The following BCL7B variants were observed in gnomAD, a reference collection of about 807,000 sequenced individuals.
BCL7B encodes BAF chromatin remodeling complex subunit BCL7B.
Under a neutral mutation model 26.5 loss-of-function variants are expected in BCL7B, and 11 were observed. That is an observed-to-expected ratio of 0.42 (90% CI 0.26 to 0.69). BCL7B has a LOEUF of 0.69. BCL7B is among the 30% of genes least tolerant of loss of function. BCL7B has a pLI of 0.28. For missense variants in BCL7B, 215 were observed against 264.4 expected (o/e 0.81, Z 1.30); for synonymous variants, 111 against 107.9 (o/e 1.03, Z -0.18).
Position 73,539,936 on chromosome 7 carries a change from C to T in BCL7B, c.382G>A (p.Asp128Asn), listed in dbSNP as rs376473677. The T allele has an allele frequency of 1.7e-5, 27 of 1,613,926 alleles. No individual in the cohort carries two copies. The highest frequency in any genetic ancestry group is 8.5e-6 in the Non-Finnish European group (10 of 1,180,034). Residue 128 changes from aspartate to asparagine, a missense_variant, in exon 4 of 6, where the codon GAC becomes AAC. Coordinates refer to ENST00000223368, the MANE Select transcript of BCL7B (RefSeq NM_001707.4). ...SESLSPAHTSDFRTDDSQPPT... is the reference protein window; with the variant it reads ...SESLSPAHTSNFRTDDSQPPT... ...GGCTGGGAGTCATCCGTGCGGAAGT[C>T]GGAGGTGTGTGCTGGGCTCAGGGAC...
rs1563420253 is a variant in BCL7B at position 73,537,232 on chromosome 7, CG to C, written c.*65del. The C allele has an allele frequency of 5.2e-6, 8 of 1,528,476 alleles. No individual in the cohort carries two copies. Among genetic ancestry groups the C allele is most frequent in the Admixed American group, 1.7e-5 (1 of 59,180 alleles). The allele number at this position is 1,528,476 out of a possible 1,614,324, so 94.7% of individuals were successfully genotyped here. On this transcript the variant is annotated 3_prime_UTR_variant, in exon 6 of 6. Transcript: ENST00000223368. ...AGTGCTTGCCCTTACCCCAGCAACG[CG>C]GCGCGGCCAGAACCAGAATGCAATA...
chr7:73,538,836 AAAG>A (rs1360996841), intron 4 of BCL7B, among the ~76,000 whole-genome samples: 15 of 151,492 alleles, frequency 9.9e-5, no homozygotes, highest in African/African-American at 3.6e-4. Flanking sequence ...AAAAAAAAAA[AAAG>A]AAAAGAAAAA....
At position 73,536,781 on chromosome 7, in the gene BCL7B, ACT is replaced by A. The variant is rs1180940897; in HGVS notation, c.*515_*516del. 6.5e-6 allele frequency: 1 copy of A among 153,010 alleles called. No individual in the cohort carries two copies. Among genetic ancestry groups the A allele is most frequent in the Non-Finnish European group, 1.5e-5 (1 of 68,726 alleles). The allele number at this position is 153,010 out of a possible 1,614,324, so 9.5% of individuals were successfully genotyped here. A position where few individuals can be genotyped will look rare whatever the true frequency, so the allele number is the denominator to read the frequency against. On this transcript the variant is annotated 3_prime_UTR_variant, in exon 6 of 6. Coordinates refer to ENST00000223368, the MANE Select transcript of BCL7B (RefSeq NM_001707.4). ...GCAGGACAGCAAGAAATCTAGACGG[ACT>A]CTCTGCCCTTGTGTGGAGAAAAGCC...
At chr7:73,554,367 A>AACAAGG (rs1792285413) in intron 1 of BCL7B, among the ~76,000 whole-genome samples, 1 of 152,114 alleles carries the variant, frequency 6.6e-6, no homozygotes, top group African/African-American at 2.4e-5. Context: ...TGTCAGTAGG[A>AACAAGG]ACAAGGGTCA....
chr7:73,538,273 C>G, intron 4 of BCL7B: 1 of 337,014 alleles, frequency 3.0e-6, no homozygotes, highest in African/African-American at 2.1e-5. Context: ...TTGTCATCCT[C>G]TAGCCCAAAC....
chr7:73,540,209 G>C, intron 3 of BCL7B, 157 bp from the exon 4 acceptor site: 1 of 731,420 alleles, frequency 1.4e-6, no homozygotes, highest in Non-Finnish European at 2.2e-6. Context: ...TAGATTCTAA[G>C]CACCAGAGGC....
chr7:73,542,847 G>A (rs1791819217), intron 3 of BCL7B: 1 of 449,604 alleles, frequency 2.2e-6, no homozygotes, highest in South Asian at 1.6e-5. Flanking sequence ...GGTCAAGGCT[G>A]GGGGACTGCT....
chr7:73,556,367 G>C (rs1584005384), intron 1 of BCL7B, among the ~76,000 whole-genome samples: 1 of 152,164 alleles, frequency 6.6e-6, no homozygotes, highest in Non-Finnish European at 1.5e-5. Context: ...GTAGAGACGG[G>C]GTCTCACTAT....
At chr7:73,554,792 G>A (rs1350888285) in intron 1 of BCL7B, among the ~76,000 whole-genome samples, 1 of 140,186 alleles carries the variant, frequency 7.1e-6, no homozygotes, top group Non-Finnish European at 1.5e-5. Flanking sequence ...GCAAGACTGG[G>A]TCTCAAAAAA....
chr7:73,542,885 G>A (rs1554583027), intron 3 of BCL7B: 1 of 449,402 alleles, frequency 2.2e-6, no homozygotes. Flanking sequence ...AACCAGCCTG[G>A]ACAACATAGC....
intron 3 of BCL7B, chr7:73,542,869 G>A (rs782453971): frequency 1.3e-5 from 6 of 450,590 alleles, no homozygotes; most frequent in Admixed American, 7.2e-5. Flanking sequence ...GAGGCCAGGA[G>A]TTCACAACCA....
chr7:73,548,991 A>T (rs1383955771), intron 2 of BCL7B, among the ~76,000 whole-genome samples: 1 of 152,202 alleles, frequency 6.6e-6, no homozygotes, highest in Non-Finnish European at 1.5e-5. Context: ...TTCTGGTGGG[A>T]ATATAAATTG....
At chr7:73,541,301 A>G (rs908773102) in intron 3 of BCL7B, among the ~76,000 whole-genome samples, 2 of 151,924 alleles carry the variant, frequency 1.3e-5, no homozygotes, top group Non-Finnish European at 2.9e-5. Context: ...GCTTCAGTTC[A>G]AGCCTCATCA....
At chr7:73,541,465 C>CTT (rs781916545) in intron 3 of BCL7B, among the ~76,000 whole-genome samples, 13 of 136,530 alleles carry the variant, frequency 9.5e-5, no homozygotes, top group African/African-American at 1.4e-4. Context: ...ATACCCAGTA[C>CTT]TTTTTTTTTT....
chr7:73,546,072 C>T (rs1437945083), intron 2 of BCL7B, among the ~76,000 whole-genome samples: 1 of 147,348 alleles, frequency 6.8e-6, no homozygotes, highest in Non-Finnish European at 1.5e-5. Flanking sequence ...GCAGAGCTTG[C>T]AGTGAGCCAA....
intron 2 of BCL7B, among the ~76,000 whole-genome samples, chr7:73,546,151 A>G (rs1208091608): frequency 1.3e-5 from 2 of 150,008 alleles, no homozygotes; most frequent in Non-Finnish European, 3.0e-5. Context: ...AAAAAAAAAG[A>G]AAGAAAAACT....
At chr7:73,543,901 G>T (rs552352817) in intron 2 of BCL7B, 1 of 397,412 alleles carries the variant, frequency 2.5e-6, no homozygotes, top group Non-Finnish European at 4.7e-6. Flanking sequence ...ACTTCGACTA[G>T]AACATCCCAT....
chr7:73,543,767 G>A, intron 2 of BCL7B, 123 bp from the exon 3 acceptor site: 1 of 721,114 alleles, frequency 1.4e-6, no homozygotes, highest in Non-Finnish European at 2.3e-6. Flanking sequence ...AACGACAGCA[G>A]CGTGAGAATC....
intron 4 of BCL7B, among the ~76,000 whole-genome samples, chr7:73,538,706 CGG>C (rs1791635030): frequency 6.7e-6 from 1 of 150,232 alleles, no homozygotes; most frequent in African/African-American, 2.5e-5. Context: ...CCTACTACTA[CGG>C]AGTCTGAGGC....
Sources: gnomAD v4.1 joint callset for allele counts (sites outside exome capture counted in the v4.1 genomes callset) on GRCh38, gnomAD v4.1.1 for gene constraint, MANE v1.5 for transcripts, NCBI Gene and HGNC (gene_info 2026-07-23, HGNC 2026-07-21) for gene names.